CRYBG1: variants seen among roughly 807,000 people sequenced by gnomAD.
The protein encoded by CRYBG1 is beta/gamma crystallin domain-containing protein 1.
Under a neutral mutation model 189.2 loss-of-function variants are expected in CRYBG1, and 139 were observed. That is an observed-to-expected ratio of 0.73 (90% CI 0.64 to 0.85). The LOEUF is 0.85. CRYBG1 is among the 40% of genes least tolerant of loss of function. The probability of loss-of-function intolerance (pLI) is 0.00; values close to 1 mark genes in which losing one functional copy is unlikely to be tolerated. For missense variants in CRYBG1, 2,611 were observed against 2,675.8 expected, an observed-to-expected ratio of 0.98 and a Z score of 0.53; for synonymous variants, 1,023 against 1,017.1, an observed-to-expected ratio of 1.01 and a Z score of -0.11.
intron 1 of CRYBG1, among the ~76,000 whole-genome samples, chr6:106,389,442 A>G (rs1770457777): frequency 6.6e-6 from 1 of 152,132 alleles, no homozygotes; most frequent in African/African-American, 2.4e-5. Flanking sequence ...TCAATTCTAC[A>G]TGTCCAATTA....
chr6:106,517,447 TAC>T (rs373231557), intron 3 of CRYBG1, among the ~76,000 whole-genome samples: 46 of 147,248 alleles, frequency 3.1e-4, no homozygotes, highest in South Asian at 2.5e-3. Flanking sequence ...CACATATATA[TAC>T]ACACATATAT....
intron 2 of CRYBG1, among the ~76,000 whole-genome samples, chr6:106,500,531 A>G (rs1044961431): frequency 5.3e-5 from 8 of 150,984 alleles, no homozygotes; most frequent in Non-Finnish European, 1.0e-4. Context: ...TTTGCTGTTG[A>G]GATGTCTGAA....
intron 1 of CRYBG1, among the ~76,000 whole-genome samples, chr6:106,367,868 G>T (rs928722571): frequency 3.3e-5 from 5 of 151,702 alleles, no homozygotes; most frequent in Non-Finnish European, 5.9e-5. Flanking sequence ...TGGGGAGGCT[G>T]AAGTGGGAGG....
chr6:106,425,404 A>T (rs530075628), intron 1 of CRYBG1, among the ~76,000 whole-genome samples: 4 of 152,250 alleles, frequency 2.6e-5, no homozygotes, highest in Admixed American at 6.5e-5. Context: ...ACCTCAATTT[A>T]TCCTACTCCT....
At chr6:106,456,136 A>ATTGTTTTTGACAGC (rs1283466896) in intron 2 of CRYBG1, among the ~76,000 whole-genome samples, 1 of 152,164 alleles carries the variant, frequency 6.6e-6, no homozygotes, top group African/African-American at 2.4e-5. Flanking sequence ...TCTAACCACT[A>ATTGTTTTTGACAGC]TTGTTTTTGA....
chr6:106,415,179 G>A (rs994029876), intron 1 of CRYBG1, among the ~76,000 whole-genome samples: 1 of 152,032 alleles, frequency 6.6e-6, no homozygotes, highest in Non-Finnish European at 1.5e-5. Flanking sequence ...CTTCTTACTC[G>A]AATAAAATAA....
At chr6:106,526,199 CT>C (rs1406882529) in intron 6 of CRYBG1, among the ~76,000 whole-genome samples, 4 of 152,208 alleles carry the variant, frequency 2.6e-5, no homozygotes, top group Admixed American at 2.6e-4. Flanking sequence ...TTCTTTTGGT[CT>C]CCATTTGATT....
chr6:106,480,712 C>T (rs1423129831), intron 2 of CRYBG1, among the ~76,000 whole-genome samples: 1 of 150,852 alleles, frequency 6.6e-6, no homozygotes, highest in Non-Finnish European at 1.5e-5. Flanking sequence ...TAGCTCACGC[C>T]TATAATCCCA....
chr6:106,534,446 G>A (rs981589215), intron 8 of CRYBG1, among the ~76,000 whole-genome samples: 1 of 152,170 alleles, frequency 6.6e-6, no homozygotes, highest in Non-Finnish European at 1.5e-5. Flanking sequence ...AGATCTCAAA[G>A]GAAAGTCTCA....
intron 2 of CRYBG1, among the ~76,000 whole-genome samples, chr6:106,508,936 A>ATT (rs1375462684): frequency 2.5e-4 from 38 of 149,488 alleles, no homozygotes; most frequent in African/African-American, 7.9e-4. Flanking sequence ...AAAAAAAAAA[A>ATT]TTGTTTTAAT....
At chr6:106,455,490 T>TA (rs34376532) in intron 2 of CRYBG1, among the ~76,000 whole-genome samples, 11,155 of 144,950 alleles carry the variant, frequency 0.077, 545 homozygotes, top group East Asian at 0.17. Context: ...AGTGTTTCTT[T>TA]AAAAAAAAAA....
chr6:106,394,859 ATT>A (rs34252257), intron 1 of CRYBG1, among the ~76,000 whole-genome samples: 15 of 142,116 alleles, frequency 1.1e-4, no homozygotes, highest in African/African-American at 1.0e-4. Context: ...ACACAGCAGA[ATT>A]TTTTTTTTTT....
At chr6:106,490,355 T>A (rs1312287772) in intron 2 of CRYBG1, among the ~76,000 whole-genome samples, 2 of 152,200 alleles carry the variant, frequency 1.3e-5, no homozygotes, top group African/African-American at 4.8e-5. Flanking sequence ...TAGCTTAGTT[T>A]AGGGGGGAGC....
At chr6:106,488,157 G>T (rs557738200) in intron 2 of CRYBG1, among the ~76,000 whole-genome samples, 1 of 152,188 alleles carries the variant, frequency 6.6e-6, no homozygotes, top group Admixed American at 6.5e-5. Context: ...GCAGGGGTCA[G>T]GGGCACTAAG....
At chr6:106,476,286 C>A (rs1235409376) in intron 2 of CRYBG1, among the ~76,000 whole-genome samples, 1 of 152,170 alleles carries the variant, frequency 6.6e-6, no homozygotes, top group Admixed American at 6.5e-5. Context: ...GAGAAAGGCA[C>A]TGGGCACTGG....
chr6:106,540,317 T>C (rs1381789083), intron 9 of CRYBG1, among the ~76,000 whole-genome samples: 1 of 152,214 alleles, frequency 6.6e-6, no homozygotes, highest in Non-Finnish European at 1.5e-5. Context: ...ATTACAAACA[T>C]GTTTTTGAAG....
chr6:106,396,012 T>G (rs1424683103), intron 1 of CRYBG1, among the ~76,000 whole-genome samples: 1 of 152,130 alleles, frequency 6.6e-6, no homozygotes, highest in Non-Finnish European at 1.5e-5. Context: ...TATTTCCAGC[T>G]CTCTGCCTTT....
chr6:106,412,939 TC>T (rs1418239262), intron 1 of CRYBG1, among the ~76,000 whole-genome samples: 1 of 140,044 alleles, frequency 7.1e-6, no homozygotes, highest in East Asian at 2.1e-4. Context: ...CAAGACAAAT[TC>T]TTTAAAAAAA....
chr6:106,553,605 G>T, intron 16 of CRYBG1, 38 bp downstream of exon 16: 1 of 1,347,426 alleles, frequency 7.4e-7, no homozygotes, highest in South Asian at 1.2e-5. Flanking sequence ...TGAATCACTG[G>T]AGTAAAACAG....
Sources: allele counts gnomAD v4.1 joint callset (sites outside exome capture counted in the v4.1 genomes callset), GRCh38; gene constraint gnomAD v4.1.1; transcripts MANE v1.5; gene names NCBI Gene and HGNC (gene_info 2026-07-23, HGNC 2026-07-21).